The following RIMBP2 variants were observed in gnomAD, a reference collection of about 807,000 sequenced individuals.
RIMBP2 encodes RIMS binding protein 2, also known as RIMS-binding protein 2.
Under a neutral mutation model 118.6 loss-of-function variants are expected in RIMBP2, and 48 were observed. The observed-to-expected ratio is 0.40, with a 90% CI of 0.32 to 0.51. The LOEUF (loss-of-function observed/expected upper bound fraction) is 0.51, where lower values mean the gene tolerates loss of function less well. Among genes scored for constraint, RIMBP2 ranks in the 20% least tolerant of loss-of-function variants. RIMBP2 has a pLI of 0.41. For synonymous variants in RIMBP2, 762 were observed against 742.9 expected (o/e 1.03, Z -0.42); for missense variants, 1,551 against 1,768.3 (o/e 0.88, Z 2.20).
At chr12:130,706,813 T>G (rs895873802) in intron 1 of RIMBP2, among the ~76,000 whole-genome samples, 3 of 152,186 alleles carry the variant, frequency 2.0e-5, no homozygotes, top group African/African-American at 7.2e-5. Context: ...AACAGACTTA[T>G]CACCAAAATT....
intron 7 of RIMBP2, among the ~76,000 whole-genome samples, chr12:130,453,769 T>C (rs948156469): frequency 2.0e-5 from 3 of 152,176 alleles, no homozygotes; most frequent in African/African-American, 7.2e-5. Flanking sequence ...AATGCTGGGT[T>C]GTAGGCCAAG....
At chr12:130,556,830 G>A (rs576026369) in intron 2 of RIMBP2, among the ~76,000 whole-genome samples, 5 of 152,174 alleles carry the variant, frequency 3.3e-5, no homozygotes, top group Non-Finnish European at 7.3e-5. Context: ...GTCAGGATGA[G>A]ATGTGGAGAA....
chr12:130,624,967 CCCACGTCGGCCT>C (rs1237146796), intron 2 of RIMBP2, among the ~76,000 whole-genome samples: 1 of 152,180 alleles, frequency 6.6e-6, no homozygotes, highest in Non-Finnish European at 1.5e-5. Flanking sequence ...TTGTGATCCG[CCCACGTCGGCCT>C]CCCAAAGTGC....
intron 4 of RIMBP2, among the ~76,000 whole-genome samples, chr12:130,479,829 G>A (rs1049196067): frequency 3.2e-4 from 49 of 151,768 alleles, no homozygotes; most frequent in East Asian, 2.0e-4. Flanking sequence ...CTGACAATCC[G>A]TCTGTCCTGC....
In RIMBP2 at chr12:130,469,947, C is replaced by T. The variant is rs117547228; in HGVS notation, c.153+746G>A. Among the ~76,000 whole-genome samples the T allele has an allele frequency of 0.012, 1,888 of 152,328 alleles. 18 individuals carry two copies. Among genetic ancestry groups the T allele is most frequent in the Non-Finnish European group, 0.017 (1,123 of 68,036 alleles). On this transcript the variant is annotated intron_variant, in intron 6 of 22. Coordinates refer to ENST00000690449, the MANE Select transcript of RIMBP2 (RefSeq NM_001393629.1). This position sits in a 1 kb window ranked among gnomAD's most constrained non-coding sequence, Gnocchi z 4.8. ...AGCCACTGTGCATGATGGATGCAGA[C>T]AGCAGAGGCCTGAGGGGGACCCCAT... is the stretch of plus-strand genomic sequence containing the variant.
intron 1 of RIMBP2, among the ~76,000 whole-genome samples, chr12:130,633,272 C>T (rs2062118345): frequency 6.6e-6 from 1 of 152,142 alleles, no homozygotes; most frequent in Non-Finnish European, 1.5e-5. Flanking sequence ...GAAAATGTTG[C>T]ACAAAAATTG....
At chr12:130,468,589 A>G (rs1207929017) in intron 6 of RIMBP2, among the ~76,000 whole-genome samples, 4 of 152,062 alleles carry the variant, frequency 2.6e-5, no homozygotes, top group Non-Finnish European at 5.9e-5. Context: ...GGGAATAGCA[A>G]GGGGGTGGTC....
chr12:130,399,941 A>T, intron 21 of RIMBP2, 128 bp from the exon 22 acceptor site: 2 of 1,015,972 alleles, frequency 2.0e-6, no homozygotes, highest in Non-Finnish European at 2.8e-6. Context: ...AAGTGGCAGG[A>T]CTTGAAAGGA....
At chr12:130,398,362 T>C (rs1447644300) in intron 22 of RIMBP2, 1 of 152,528 alleles carries the variant, frequency 6.6e-6, no homozygotes, top group Non-Finnish European at 1.5e-5. Flanking sequence ...AGCAGGCAAA[T>C]GCTGTAAGCC....
At chr12:130,462,057 G>A (rs952537615) in intron 6 of RIMBP2, among the ~76,000 whole-genome samples, 1 of 152,230 alleles carries the variant, frequency 6.6e-6, no homozygotes, top group Non-Finnish European at 1.5e-5. Flanking sequence ...GGCTGTGGCT[G>A]CTGGCCGTGG....
At chr12:130,665,107 G>A (rs959087830) in intron 1 of RIMBP2, among the ~76,000 whole-genome samples, 5 of 151,688 alleles carry the variant, frequency 3.3e-5, no homozygotes, top group Admixed American at 6.6e-5. Context: ...TCCTGGCTAC[G>A]TGAAGAGGGG....
At chr12:130,518,803 T>C (rs2051758393) in intron 2 of RIMBP2, among the ~76,000 whole-genome samples, 1 of 152,172 alleles carries the variant, frequency 6.6e-6, no homozygotes, top group Non-Finnish European at 1.5e-5. Flanking sequence ...TCATTCAAGA[T>C]GAGTCTGAAA....
chr12:130,609,927 C>T (rs966901243), intron 2 of RIMBP2, among the ~76,000 whole-genome samples: 3 of 152,076 alleles, frequency 2.0e-5, no homozygotes, highest in Non-Finnish European at 4.4e-5. Context: ...CTTGGGCCCT[C>T]GATGAATCAG....
intron 2 of RIMBP2, among the ~76,000 whole-genome samples, chr12:130,590,843 C>G (rs1156494931): frequency 6.6e-6 from 1 of 152,178 alleles, no homozygotes; most frequent in Non-Finnish European, 1.5e-5. Flanking sequence ...AATCCTCACC[C>G]CCAAGGTGTC....
chr12:130,424,436 A>G lies in RIMBP2; in HGVS notation c.2835T>C (p.Pro945=). The G allele has an allele frequency of 8.1e-7, 1 of 1,232,622 alleles. No individual in the cohort carries two copies. The highest frequency in any genetic ancestry group is 1.0e-6 in the Non-Finnish European group (1 of 988,144). 76.4% of individuals were successfully genotyped at this position (1,232,622 alleles called of 1,614,324 possible). A position where few individuals can be genotyped will look rare whatever the true frequency, so the allele number is the denominator to read the frequency against. The part of the protein sequence containing the change: ...GNTVAACSPG[P]GHCPCRRGPR... Reference sequence around the variant, plus strand: ...GGCCCCTCCTGCAGGGACAGTGACCAGGGCCTGGGCTGCACGCGGCCACGG... The same window carrying G: ...GGCCCCTCCTGCAGGGACAGTGACCGGGGCCTGGGCTGCACGCGGCCACGG... The change falls in exon 16 of 23, where the codon CCT becomes CCC. Residue 945 remains proline, a synonymous_variant. Coordinates refer to ENST00000690449, the MANE Select transcript of RIMBP2 (RefSeq NM_001393629.1). The surrounding 1 kb of genome is among the most constrained non-coding windows in gnomAD (Gnocchi z 9.8).
At chr12:130,572,958 C>A (rs959444616) in intron 2 of RIMBP2, among the ~76,000 whole-genome samples, 1 of 151,978 alleles carries the variant, frequency 6.6e-6, no homozygotes, top group African/African-American at 2.4e-5. Context: ...TCCTTCCCCC[C>A]GGGGGGACAG....
At chr12:130,711,240 C>G (rs1471436584) in intron 1 of RIMBP2, among the ~76,000 whole-genome samples, 1 of 151,970 alleles carries the variant, frequency 6.6e-6, no homozygotes, top group African/African-American at 2.4e-5. Flanking sequence ...AAGACTCTGT[C>G]TCAAAAGAAA....
chr12:130,690,487 G>A (rs549287685), intron 1 of RIMBP2, among the ~76,000 whole-genome samples: 14 of 152,276 alleles, frequency 9.2e-5, no homozygotes, highest in Admixed American at 7.8e-4. Flanking sequence ...CAGACTCTTT[G>A]GCAACATGAT....
intron 2 of RIMBP2, among the ~76,000 whole-genome samples, chr12:130,608,031 T>A (rs2060290220): frequency 6.6e-6 from 1 of 152,136 alleles, no homozygotes; most frequent in Non-Finnish European, 1.5e-5. Context: ...GTAAATATGC[T>A]CAAAACATTG....
Sources: gnomAD v4.1 joint callset for allele counts (sites outside exome capture counted in the v4.1 genomes callset) on GRCh38, gnomAD v4.1.1 for gene constraint, Gnocchi (gnomAD v3.1) non-coding constraint, MANE v1.5 for transcripts, NCBI Gene and HGNC (gene_info 2026-07-23, HGNC 2026-07-21) for gene names.